The following FNDC3A variants were observed in gnomAD, a reference collection of about 807,000 sequenced individuals.
FNDC3A encodes the protein fibronectin type III domain containing 3A, also known as fibronectin type-III domain-containing protein 3A.
FNDC3A carries 32 observed loss-of-function variants against 148.9 expected under a neutral mutation model. The ratio of observed to expected loss-of-function variants is 0.21; its 90% CI spans 0.16 to 0.29. The LOEUF (loss-of-function observed/expected upper bound fraction) is 0.29. Ranked by LOEUF, FNDC3A falls within the 10% of genes least tolerant of loss-of-function variation. FNDC3A has a pLI of 1.00. For synonymous variants in FNDC3A, 472 were observed against 473.6 expected (o/e 1.00, Z 0.04); for missense variants, 1,191 against 1,452.8 (o/e 0.82, Z 2.93).
At chr13:49,029,560 A>G (rs1307454416) in intron 2 of FNDC3A, among the ~76,000 whole-genome samples, 3 of 152,206 alleles carry the variant, frequency 2.0e-5, no homozygotes, top group Non-Finnish European at 4.4e-5. Context: ...GAAAACAGTA[A>G]AGCTTAGAGT....
chr13:49,167,781 T>C (rs1460933988), intron 9 of FNDC3A, among the ~76,000 whole-genome samples: 1 of 152,212 alleles, frequency 6.6e-6, no homozygotes. Flanking sequence ...AAAAAAAACA[T>C]TTAACTCATG....
At chr13:49,001,419 G>A (rs1037797420) in intron 1 of FNDC3A, among the ~76,000 whole-genome samples, 2 of 152,186 alleles carry the variant, frequency 1.3e-5, no homozygotes, top group East Asian at 3.9e-4. Context: ...ATGAAATCTG[G>A]GCACCTTGAT....
At chr13:49,197,927 A>G (rs1886233771) in intron 21 of FNDC3A, 53 bp downstream of exon 21, 1 of 1,588,930 alleles carries the variant, frequency 6.3e-7, no homozygotes, top group Non-Finnish European at 8.5e-7. Flanking sequence ...TTTATATTTC[A>G]TTGGCATTTT....
At chr13:49,161,033 C>T (rs1350823029) in intron 8 of FNDC3A, among the ~76,000 whole-genome samples, 1 of 152,158 alleles carries the variant, frequency 6.6e-6, no homozygotes, top group Non-Finnish European at 1.5e-5. Context: ...GAGTGCTTTA[C>T]TTCCAACTAT....
intron 8 of FNDC3A, among the ~76,000 whole-genome samples, chr13:49,158,931 G>T (rs1043702079): frequency 6.6e-6 from 1 of 152,156 alleles, no homozygotes; most frequent in Non-Finnish European, 1.5e-5. Context: ...GATGTTTGTA[G>T]ATATGTGGTA....
At chr13:49,110,629 G>T (rs899041380) in intron 3 of FNDC3A, among the ~76,000 whole-genome samples, 39 of 152,122 alleles carry the variant, frequency 2.6e-4, no homozygotes, top group Admixed American at 2.4e-3. Context: ...TATTTTACTA[G>T]GTTTTTCTTC....
chr13:49,070,881 C>CTTTTTTT (rs758290861), intron 2 of FNDC3A, among the ~76,000 whole-genome samples: 53 of 120,902 alleles, frequency 4.4e-4, no homozygotes, highest in East Asian at 1.1e-3. Flanking sequence ...AACAGGATTT[C>CTTTTTTT]TTTTTTTTTT....
At chr13:49,071,058 C>T (rs528225670) in intron 2 of FNDC3A, among the ~76,000 whole-genome samples, 3 of 110,608 alleles carry the variant, frequency 2.7e-5, no homozygotes, top group Non-Finnish European at 5.3e-5. Context: ...ACCCCCATGC[C>T]GGCTTTTTTT....
chr13:49,006,474 T>C (rs1952222915), intron 2 of FNDC3A, among the ~76,000 whole-genome samples, 185 bp downstream of exon 2: 1 of 152,030 alleles, frequency 6.6e-6, no homozygotes. Context: ...TAAAATATCT[T>C]GCTAATTAAT....
intron 1 of FNDC3A, among the ~76,000 whole-genome samples, chr13:48,999,977 T>A (rs979565354): frequency 3.9e-5 from 6 of 152,332 alleles, no homozygotes; most frequent in African/African-American, 7.2e-5. Flanking sequence ...TGGTTTTTTT[T>A]AAAATAGCAG....
chr13:49,095,598 A>G (rs1879472493), intron 3 of FNDC3A: 2 of 152,086 alleles, frequency 1.3e-5, no homozygotes, highest in South Asian at 2.1e-4. Context: ...CACCTTCCTT[A>G]TTAAAAATAA....
chr13:49,168,538 G>C (rs542119484), intron 9 of FNDC3A, 75 bp from the exon 10 acceptor site: 9 of 1,005,776 alleles, frequency 8.9e-6, no homozygotes, highest in Admixed American at 5.0e-5. Flanking sequence ...TAATCTGCAA[G>C]TACTTAAAGG....
rs552729840 is a variant in FNDC3A, at chr13:49,033,835, G to A, written c.99+27546G>A. Among the ~76,000 whole-genome samples the A allele has an allele frequency of 5.3e-5, 8 of 152,060 alleles. No homozygotes were observed. The South Asian group carries it at 1.5e-3, about 28-fold the overall frequency. ...TGCTGATAGAGTATTAAGAGCTACAGATTTACCAGTTTTAGAGTAAACTTA... is the reference window on the plus strand; with the variant it reads ...TGCTGATAGAGTATTAAGAGCTACAAATTTACCAGTTTTAGAGTAAACTTA... On this transcript the variant is annotated intron_variant, in intron 2 of 25. Transcript: ENST00000492622.
chr13:49,155,162 T>G (rs554791182), intron 8 of FNDC3A, among the ~76,000 whole-genome samples: 7 of 151,604 alleles, frequency 4.6e-5, no homozygotes, highest in African/African-American at 1.7e-4. Flanking sequence ...CTCTTTTTGG[T>G]TGGTAAACTA....
intron 2 of FNDC3A, among the ~76,000 whole-genome samples, chr13:49,067,217 ATTTTC>A (rs1319893041): frequency 2.0e-5 from 3 of 152,128 alleles, no homozygotes; most frequent in Admixed American, 6.5e-5. Flanking sequence ...TTTTAATTAT[ATTTTC>A]TTTATTCTTC....
intron 2 of FNDC3A, among the ~76,000 whole-genome samples, chr13:49,067,073 A>G (rs183555193): frequency 1.7e-3 from 261 of 152,342 alleles, no homozygotes; most frequent in African/African-American, 6.1e-3. Flanking sequence ...TGGGTAAAGA[A>G]GTAATAAATT....
chr13:49,006,059 CTT>C (rs1022006319), intron 1 of FNDC3A, 91 bp from the exon 2 acceptor site: 13 of 489,904 alleles, frequency 2.7e-5, no homozygotes, highest in East Asian at 2.4e-4. Flanking sequence ...AAGAATATCT[CTT>C]TAGGTTAAAG....
chr13:49,116,692 A>C (rs763850822), intron 4 of FNDC3A, among the ~76,000 whole-genome samples: 1 of 151,838 alleles, frequency 6.6e-6, no homozygotes, highest in East Asian at 1.9e-4. Context: ...AGGCTAAAGC[A>C]GGAGAATCGC....
chr13:49,011,242 T>C (rs535899794), intron 2 of FNDC3A, among the ~76,000 whole-genome samples: 1,082 of 34,498 alleles, frequency 0.031, 15 homozygotes, highest in African/African-American at 0.053. Context: ...ATGTCTTTCT[T>C]TTTTTTTTTG....
Sources: allele counts gnomAD v4.1 joint callset (sites outside exome capture counted in the v4.1 genomes callset), GRCh38; gene constraint gnomAD v4.1.1; transcripts MANE v1.5; gene names NCBI Gene and HGNC (gene_info 2026-07-23, HGNC 2026-07-21).